SEMA6D: variants seen among roughly 807,000 people sequenced by gnomAD.
SEMA6D encodes semaphorin-6D.
In SEMA6D, 35 loss-of-function variants were observed where a neutral mutation model predicts 106.6. The ratio of observed to expected loss-of-function variants is 0.33; its 90% CI spans 0.25 to 0.44. SEMA6D has a LOEUF of 0.44. Ranked by LOEUF, SEMA6D falls within the 20% of genes least tolerant of loss-of-function variation. The pLI is 1.00. For missense variants in SEMA6D, 1,185 were observed against 1,345.9 expected, an observed-to-expected ratio of 0.88 and a Z score of 1.87; for synonymous variants, 499 against 487.7, an observed-to-expected ratio of 1.02 and a Z score of -0.31.
intron 1 of SEMA6D, among the ~76,000 whole-genome samples, chr15:47,307,890 GA>G (rs2143009206): frequency 6.6e-6 from 1 of 152,158 alleles, no homozygotes; most frequent in Non-Finnish European, 1.5e-5. Context: ...TTACATAAAA[GA>G]GATCTGTATG....
At chr15:47,258,673 A>G (rs766180450) in intron 1 of SEMA6D, among the ~76,000 whole-genome samples, 1 of 152,044 alleles carries the variant, frequency 6.6e-6, no homozygotes, top group African/African-American at 2.4e-5. Context: ...CTCAGACTGA[A>G]CTGTGCCACC....
At chr15:47,259,812 G>A (rs904884575) in intron 1 of SEMA6D, among the ~76,000 whole-genome samples, 3 of 151,902 alleles carry the variant, frequency 2.0e-5, no homozygotes, top group Non-Finnish European at 2.9e-5. Flanking sequence ...GATGATATGA[G>A]TGTTGGATTT....
rs966510284 is a variant in SEMA6D, at chr15:47,730,305, C to T, written c.-55+12613C>T. ...GCTTCCACCAGCTTAGCCAAAGCGC[C>T]TTTGTCTTCCGAGTTCACCTGTGTG... On this transcript the variant is annotated intron_variant, in intron 1 of 18. Transcript: ENST00000536845. 397 of 1,523,580 alleles carry T rather than the reference C, an allele frequency of 2.6e-4. 5 individuals carry two copies. Among genetic ancestry groups the T allele is most frequent in the Non-Finnish European group, 3.8e-5 (42 of 1,112,214 alleles). The allele number at this position is 1,523,580 out of a possible 1,614,324, so 94.4% of individuals were successfully genotyped here. A position where few individuals can be genotyped will look rare whatever the true frequency, so the allele number is the denominator to read the frequency against.
intron 4 of SEMA6D, among the ~76,000 whole-genome samples, chr15:47,686,325 ACTTT>A (rs1274120812): frequency 2.0e-5 from 3 of 152,230 alleles, no homozygotes; most frequent in Non-Finnish European, 2.9e-5. Context: ...ACCCTCTGAA[ACTTT>A]CTTTAAGTGC....
chr15:47,254,329 G>GTT (rs201817469), intron 1 of SEMA6D, among the ~76,000 whole-genome samples: 1 of 132,660 alleles, frequency 7.5e-6, no homozygotes, highest in African/African-American at 2.7e-5. Flanking sequence ...ATGTGTGTGT[G>GTT]TGTATATATA....
intron 4 of SEMA6D, among the ~76,000 whole-genome samples, chr15:47,628,412 C>T (rs909989989): frequency 5.9e-5 from 9 of 152,082 alleles, no homozygotes; most frequent in South Asian, 2.1e-4. Flanking sequence ...TCTGCATCCT[C>T]ACTAGCATTT....
At chr15:47,606,690 T>C (rs2076789514) in intron 4 of SEMA6D, among the ~76,000 whole-genome samples, 2 of 152,204 alleles carry the variant, frequency 1.3e-5, no homozygotes, top group Admixed American at 1.3e-4. Flanking sequence ...CAAGGAAATC[T>C]GGTGTCCTTT....
At chr15:47,303,986 A>G (rs868808593) in intron 1 of SEMA6D, among the ~76,000 whole-genome samples, 1 of 152,170 alleles carries the variant, frequency 6.6e-6, no homozygotes, top group African/African-American at 2.4e-5. Flanking sequence ...GGATAACTAC[A>G]TAGGTTACAA....
chr15:47,294,678 C>T (rs969193003), intron 1 of SEMA6D, among the ~76,000 whole-genome samples: 6 of 152,142 alleles, frequency 3.9e-5, no homozygotes, highest in African/African-American at 7.2e-5. Flanking sequence ...ACAAAACATT[C>T]CAGTGCACTC....
intron 1 of SEMA6D, among the ~76,000 whole-genome samples, chr15:47,322,840 T>G (rs1478378789): frequency 2.7e-5 from 4 of 147,818 alleles, no homozygotes; most frequent in Non-Finnish European, 4.4e-5. Context: ...TATTTTTGTG[T>G]TTTCCTTCCC....
intron 3 of SEMA6D, among the ~76,000 whole-genome samples, chr15:47,577,773 A>G (rs2076181771): frequency 6.6e-6 from 1 of 152,186 alleles, no homozygotes. Context: ...GAAGTCAGAA[A>G]GTTAACCTGT....
At chr15:47,485,749 T>G (rs1596123453) in intron 3 of SEMA6D, among the ~76,000 whole-genome samples, 1 of 152,170 alleles carries the variant, frequency 6.6e-6, no homozygotes, top group Non-Finnish European at 1.5e-5. Context: ...GCTATGGCTG[T>G]CTGTGCCATA....
chr15:47,507,471 G>A (rs2044087484), intron 3 of SEMA6D, among the ~76,000 whole-genome samples: 6 of 151,972 alleles, frequency 3.9e-5, no homozygotes, highest in Admixed American at 3.3e-4. Context: ...GCCAGAGCAA[G>A]AAAAAGGCAG....
At chr15:47,482,928 G>C (rs752697695) in intron 3 of SEMA6D, among the ~76,000 whole-genome samples, 9 of 152,000 alleles carry the variant, frequency 5.9e-5, no homozygotes, top group Non-Finnish European at 1.3e-4. Context: ...CTCTGTATTC[G>C]GCATATGTTT....
chr15:47,278,217 A>G (rs911584248), intron 1 of SEMA6D, among the ~76,000 whole-genome samples: 1 of 152,168 alleles, frequency 6.6e-6, no homozygotes, highest in African/African-American at 2.4e-5. Flanking sequence ...GAACTAGTTT[A>G]CAGTCCCACC....
intron 7 of SEMA6D, 141 bp from the exon 8 acceptor site, chr15:47,762,058 TG>T: frequency 1.1e-6 from 1 of 906,900 alleles, no homozygotes; most frequent in Non-Finnish European, 1.7e-6. Context: ...CACATGTTGA[TG>T]GTGAGAATCA....
intron 4 of SEMA6D, among the ~76,000 whole-genome samples, chr15:47,616,299 A>T (rs932215583): frequency 6.6e-6 from 1 of 151,896 alleles, no homozygotes; most frequent in Admixed American, 6.6e-5. Flanking sequence ...CCTCCCAAGT[A>T]GCTGGGACTA....
chr15:47,319,087 C>G (rs1332816324), intron 1 of SEMA6D, among the ~76,000 whole-genome samples: 1 of 152,094 alleles, frequency 6.6e-6, no homozygotes, highest in Non-Finnish European at 1.5e-5. Flanking sequence ...AACATATCCT[C>G]AAGCTCAAAG....
chr15:47,480,139 C>CT (rs2043114502), intron 3 of SEMA6D, among the ~76,000 whole-genome samples: 1 of 151,930 alleles, frequency 6.6e-6, no homozygotes, highest in South Asian at 2.1e-4. Context: ...ATTACAGGCA[C>CT]TAGCCACCAC....
Sources: gnomAD v4.1 joint callset for allele counts (sites outside exome capture counted in the v4.1 genomes callset) on GRCh38, gnomAD v4.1.1 for gene constraint, MANE v1.5 for transcripts, NCBI Gene and HGNC (gene_info 2026-07-23, HGNC 2026-07-21) for gene names.